Variants in RARB observed in about 807,000 individuals in gnomAD.
RARB encodes the protein retinoic acid receptor beta, also known as HBV-activated protein.
In RARB, 17 loss-of-function variants were observed where a neutral mutation model predicts 51.9. That is an observed-to-expected ratio of 0.33 (90% CI 0.22 to 0.49). RARB has a LOEUF of 0.49. Ranked by LOEUF, RARB falls within the 20% of genes least tolerant of loss-of-function variation. RARB has a pLI of 0.99. For synonymous variants in RARB, 215 were observed against 195.4 expected (o/e 1.10, Z -0.84); for missense variants, 369 against 550.8 (o/e 0.67, Z 3.30).
intron 2 of RARB, among the ~76,000 whole-genome samples, chr3:24,911,331 A>G (rs573538529): frequency 6.6e-6 from 1 of 152,330 alleles, no homozygotes; most frequent in East Asian, 1.9e-4. Context: ...GAATTTATAT[A>G]AAATCAAAAA....
At chr3:25,245,387 T>C (rs928023585) in intron 5 of RARB, among the ~76,000 whole-genome samples, 6 of 152,214 alleles carry the variant, frequency 3.9e-5, no homozygotes, top group African/African-American at 1.2e-4. Flanking sequence ...TGATGCACTA[T>C]CTTCATAGTG....
rs562934229 is a variant in RARB at position 24,869,918 on chromosome 3, T to G, written c.-380+11166T>G. ...TTATACGTTCATCAGCCTTTTATAT[T>G]GTGAAACTTCATTTTTCCGTACTTA... On this transcript the variant is annotated intron_variant, in intron 2 of 11. Transcript: ENST00000383772. Among the ~76,000 whole-genome samples, 3 of 152,204 alleles carry G rather than the reference T, an allele frequency of 2.0e-5. No individual in the cohort carries two copies. In the Middle Eastern group the frequency reaches 0.01, roughly 518 times the overall value.
intron 1 of RARB, among the ~76,000 whole-genome samples, chr3:24,854,293 C>T (rs1702605085): frequency 6.6e-6 from 1 of 152,194 alleles, no homozygotes; most frequent in Non-Finnish European, 1.5e-5. Context: ...GCTCAAACAA[C>T]TCATGTTTCT....
chr3:24,858,814 A>C (rs1021115053), intron 2 of RARB: 6 of 151,988 alleles, frequency 3.9e-5, no homozygotes, highest in Admixed American at 2.6e-4. Context: ...AGGCAGGTGG[A>C]TCATTTGAGG....
intron 1 of RARB, among the ~76,000 whole-genome samples, chr3:25,455,637 T>A (rs1042360590): frequency 2.0e-5 from 3 of 152,200 alleles, no homozygotes; most frequent in African/African-American, 7.2e-5. Context: ...TCTCCACTCA[T>A]GTGCGCAGTT....
intron 3 of RARB, among the ~76,000 whole-genome samples, chr3:25,529,428 A>G (rs1698800849): frequency 6.6e-6 from 1 of 152,200 alleles, no homozygotes; most frequent in African/African-American, 2.4e-5. Context: ...GGTCAGCAAC[A>G]GAAGCATCTG....
At position 25,409,286 on chromosome 3, in the gene RARB, C is replaced by T. The variant is rs369454567; in HGVS notation, c.179-51907C>T. On this transcript the variant is annotated intron_variant, in intron 5 of 11. Coordinates refer to the RARB transcript ENST00000383772. ...GTTGTTTTCCCAAGAGACCATACAA[C>T]TGACTTTTCTTTTGTCATTGAGCAT... Among the ~76,000 whole-genome samples the T allele has an allele frequency of 7.8e-4, 118 of 152,170 alleles. 2 individuals carry two copies. The highest frequency in any genetic ancestry group is 2.1e-4 in the Non-Finnish European group (14 of 68,008).
intron 2 of RARB, among the ~76,000 whole-genome samples, chr3:24,968,052 T>C (rs139363205): frequency 6.6e-6 from 1 of 152,272 alleles, no homozygotes; most frequent in Non-Finnish European, 1.5e-5. Flanking sequence ...TTTTGTTTGG[T>C]TTGGTTGTTT....
chr3:25,147,840 A>G (rs576186048), intron 4 of RARB, among the ~76,000 whole-genome samples: 2 of 152,358 alleles, frequency 1.3e-5, no homozygotes, highest in Admixed American at 6.5e-5. Context: ...CATCCCTTCA[A>G]TAAAGCTTGG....
chr3:24,931,498 T>G (rs1482828305), intron 2 of RARB, among the ~76,000 whole-genome samples: 1 of 152,050 alleles, frequency 6.6e-6, no homozygotes, highest in Admixed American at 6.6e-5. Flanking sequence ...AACCCCATTT[T>G]TATCTTGGCC....
At chr3:24,948,859 G>A (rs1575086257) in intron 2 of RARB, among the ~76,000 whole-genome samples, 1 of 152,136 alleles carries the variant, frequency 6.6e-6, no homozygotes, top group African/African-American at 2.4e-5. Flanking sequence ...TGCCATGATT[G>A]GAAGCATCCT....
chr3:25,162,089 T>C (rs1420350944), intron 4 of RARB, among the ~76,000 whole-genome samples: 1 of 152,110 alleles, frequency 6.6e-6, no homozygotes, highest in Non-Finnish European at 1.5e-5. Context: ...TGTATGTATA[T>C]ATGTGCCTAT....
intron 5 of RARB, among the ~76,000 whole-genome samples, chr3:25,268,703 A>C (rs1456141551): frequency 6.6e-6 from 1 of 151,980 alleles, no homozygotes; most frequent in East Asian, 1.9e-4. Flanking sequence ...CCCATTGTTC[A>C]CTTTCTCATT....
intron 4 of RARB, among the ~76,000 whole-genome samples, chr3:25,135,568 G>A (rs1700020037): frequency 6.6e-6 from 1 of 151,964 alleles, no homozygotes; most frequent in African/African-American, 2.4e-5. Context: ...AGCAGGATAG[G>A]TTGAGCCACT....
chr3:25,008,639 C>A (rs1697327580), intron 2 of RARB, among the ~76,000 whole-genome samples: 4 of 152,100 alleles, frequency 2.6e-5, no homozygotes, highest in African/African-American at 9.7e-5. Flanking sequence ...TACCTTGAAA[C>A]AGGATGATCA....
At chr3:25,362,937 G>C (rs1705995735) in intron 5 of RARB, among the ~76,000 whole-genome samples, 1 of 152,142 alleles carries the variant, frequency 6.6e-6, no homozygotes, top group Non-Finnish European at 1.5e-5. Context: ...CCCAGGAACA[G>C]AGCTTAGATT....
Position 25,193,852 on chromosome 3 carries a change from T to A in RARB, c.178+19277T>A, listed in dbSNP as rs1202594982. Among the ~76,000 whole-genome samples the A allele has an allele frequency of 4.6e-5, 7 of 152,012 alleles. No homozygotes were observed. In the East Asian group the frequency reaches 1.4e-3, roughly 29 times the overall value. On this transcript the variant is annotated intron_variant, in intron 5 of 11. Coordinates refer to the RARB transcript ENST00000383772. The stretch of plus-strand genomic sequence containing the variant: ...TGTTTATATGACATATACACTATAC[T>A]GACACTCAGTTTCAAAATATATACC...
At chr3:25,228,677 A>T (rs1327972329) in intron 5 of RARB, among the ~76,000 whole-genome samples, 2 of 152,112 alleles carry the variant, frequency 1.3e-5, no homozygotes, top group Non-Finnish European at 2.9e-5. Flanking sequence ...CATGGTAACC[A>T]TGTGCAGGTG....
At chr3:25,336,978 A>G (rs549184816) in intron 5 of RARB, among the ~76,000 whole-genome samples, 3 of 152,250 alleles carry the variant, frequency 2.0e-5, no homozygotes, top group South Asian at 2.1e-4. Context: ...GACGAGTTCA[A>G]TAATTATTTA....
Sources: allele counts gnomAD v4.1 joint callset (sites outside exome capture counted in the v4.1 genomes callset), GRCh38; gene constraint gnomAD v4.1.1; transcripts MANE v1.5; gene names NCBI Gene and HGNC (gene_info 2026-07-23, HGNC 2026-07-21).